BOK: variants seen among roughly 807,000 people sequenced by gnomAD.
BOK encodes the protein BCL2 family apoptosis regulator BOK.
Under a neutral mutation model 18.3 loss-of-function variants are expected in BOK, and 20 were observed. That is an observed-to-expected ratio of 1.09 (90% CI 0.77 to 1.59). The LOEUF (loss-of-function observed/expected upper bound fraction) is 1.59, where lower values mean the gene tolerates loss of function less well. Ranked by LOEUF, BOK falls within the 40% of genes most tolerant of loss-of-function variation. BOK has a pLI of 0.00. For synonymous variants in BOK, 173 were observed against 142.4 expected, an observed-to-expected ratio of 1.21 and a Z score of -1.53; for missense variants, 348 against 307.9, an observed-to-expected ratio of 1.13 and a Z score of -0.97.
chr2:241,555,937 G>A (rs1271985938), upstream of BOK, among the ~76,000 whole-genome samples: 1 of 152,214 alleles, frequency 6.6e-6, no homozygotes, highest in East Asian at 1.9e-4. Context: ...ACAGCGGGAA[G>A]GTTGCAGGTG....
chr2:241,568,959 GACC>G (rs2066660354), intron 3 of BOK, among the ~76,000 whole-genome samples: 1 of 150,924 alleles, frequency 6.6e-6, no homozygotes, highest in Admixed American at 6.6e-5. Context: ...TCCCTCCAGG[GACC>G]ACTGCTGACT....
At chr2:241,568,872 A>G (rs1297972878) in intron 3 of BOK, among the ~76,000 whole-genome samples, 2 of 152,242 alleles carry the variant, frequency 1.3e-5, no homozygotes, top group Admixed American at 6.5e-5. Context: ...TTCATAACAA[A>G]TCCAGGTTGG....
chr2:241,553,902 G>A (rs1369415331), upstream of BOK, among the ~76,000 whole-genome samples: 1 of 152,182 alleles, frequency 6.6e-6, no homozygotes. Flanking sequence ...GGGGGCTCTG[G>A]AAGCCTTCCA....
chr2:241,554,660 C>G (rs2066437762), upstream of BOK, among the ~76,000 whole-genome samples: 1 of 152,242 alleles, frequency 6.6e-6, no homozygotes, highest in Non-Finnish European at 1.5e-5. Flanking sequence ...CTGGCAAAGC[C>G]TGAACTTGTG....
At position 241,570,256 on chromosome 2, in the gene BOK, C is replaced by A; in HGVS notation, c.481C>A (p.Leu161Met). The part of the protein sequence containing the change: ...DCLGEFVRKT[L>M]ATWLRRRGGW... ...CCTGGGGGAGTTCGTGCGCAAGACC[C>A]TGGCAACCTGGCTGCGGAGACGCGG... The change falls in exon 4 of 5, where the codon CTG becomes ATG. Residue 161 changes from leucine to methionine, a missense_variant. Leu to Met is a conservative substitution (Grantham distance 15). Transcript: ENST00000318407. The A allele has an allele frequency of 6.3e-7, 1 of 1,579,202 alleles. No homozygotes were observed. The highest frequency in any genetic ancestry group is 1.8e-5 in the Admixed American group (1 of 54,162).
At chr2:241,559,163 T>TCC (rs1195771663) in intron 1 of BOK, among the ~76,000 whole-genome samples, 170 bp downstream of exon 1, 5 of 150,846 alleles carry the variant, frequency 3.3e-5, no homozygotes, top group Non-Finnish European at 7.4e-5. Context: ...GGCTGTGCCC[T>TCC]CCGCCCCCGC....
At position 241,572,488 on chromosome 2, in the gene BOK, G is replaced by A. The variant is rs563500002; in HGVS notation, c.*66G>A. Reference sequence around the variant, plus strand: ...CCAACGCAGGAGGCCCTCAGCACCCGAACACATCTTCCTCCTCCCCACCCG... The same window carrying A: ...CCAACGCAGGAGGCCCTCAGCACCCAAACACATCTTCCTCCTCCCCACCCG... On this transcript the variant is annotated 3_prime_UTR_variant, in exon 5 of 5. Transcript: ENST00000318407. 19 of 1,543,968 alleles carry A rather than the reference G, an allele frequency of 1.2e-5. No homozygotes were observed. The highest frequency in any genetic ancestry group is 9.3e-5 in the East Asian group (4 of 42,840).
At chr2:241,559,333 A>G in intron 1 of BOK, 122 bp from the exon 2 acceptor site, 1 of 502,884 alleles carries the variant, frequency 2.0e-6, no homozygotes, top group Non-Finnish European at 3.1e-6. Context: ...TGGGGCACAA[A>G]AAACGAGAGC....
At chr2:241,569,169 C>T (rs1474238277) in intron 3 of BOK, among the ~76,000 whole-genome samples, 11 of 152,356 alleles carry the variant, frequency 7.2e-5, no homozygotes, top group South Asian at 6.2e-4. Flanking sequence ...CTCGCTCTGT[C>T]GCCCAGGCTG....
chr2:241,563,534 C>CG (rs1398648877), intron 3 of BOK, among the ~76,000 whole-genome samples: 4 of 152,182 alleles, frequency 2.6e-5, no homozygotes, highest in South Asian at 2.1e-4. Context: ...CAGTGAACCC[C>CG]GGGGTGCGCA....
intron 3 of BOK, among the ~76,000 whole-genome samples, chr2:241,563,327 C>T (rs562963804): frequency 2.0e-5 from 3 of 152,348 alleles, no homozygotes; most frequent in Admixed American, 1.3e-4. Flanking sequence ...CTGCAGACCT[C>T]AGCCCCCTGC....
chr2:241,552,140 C>T (rs974656132), intron 1 of BOK, among the ~76,000 whole-genome samples: 3 of 152,184 alleles, frequency 2.0e-5, no homozygotes, highest in Non-Finnish European at 4.4e-5. Context: ...GCAGCTGCTA[C>T]CTCAGGAGCA....
rs770521351 is a variant in BOK at position 241,572,431 on chromosome 2, C to T, written c.*9C>T. 2.3e-5 allele frequency: 37 copies of T among 1,594,106 alleles called. No homozygotes were observed. The East Asian group carries it at 8.3e-4, about 36-fold the overall frequency. On this transcript the variant is annotated 3_prime_UTR_variant, in exon 5 of 5. Coordinates refer to ENST00000318407, the MANE Select transcript of BOK (RefSeq NM_032515.5). ...TGCTGCCAGAGAGATGAGCTGCCCACCTGGCAGTGGCCGCAGCCTGGCCCT... is the reference window on the plus strand; with the variant it reads ...TGCTGCCAGAGAGATGAGCTGCCCATCTGGCAGTGGCCGCAGCCTGGCCCT...
chr2:241,555,771 C>A (rs1387368083), upstream of BOK, among the ~76,000 whole-genome samples: 1 of 152,208 alleles, frequency 6.6e-6, no homozygotes, highest in African/African-American at 2.4e-5. Context: ...TCCTGGGATG[C>A]AGAACATGTC....
upstream of BOK, among the ~76,000 whole-genome samples, chr2:241,556,541 C>CAT (rs2066451607): frequency 7.2e-6 from 1 of 138,420 alleles, no homozygotes; most frequent in Non-Finnish European, 1.5e-5. Context: ...CGAGTTTACG[C>CAT]CATTGCACTC....
chr2:241,558,549 G>A (rs2066473566), upstream of BOK, among the ~76,000 whole-genome samples: 1 of 152,270 alleles, frequency 6.6e-6, no homozygotes, highest in African/African-American at 2.4e-5. Context: ...GGACCCCGGG[G>A]AACACCCAGG....
intron 2 of BOK, among the ~76,000 whole-genome samples, chr2:241,561,043 C>T (rs923317799): frequency 2.0e-5 from 3 of 152,196 alleles, no homozygotes; most frequent in Non-Finnish European, 2.9e-5. Flanking sequence ...TGGGAGCTGC[C>T]GGGTCAGTCC....
chr2:241,571,399 T>G (rs1283989328), intron 4 of BOK, among the ~76,000 whole-genome samples: 1 of 148,334 alleles, frequency 6.7e-6, no homozygotes, highest in Non-Finnish European at 1.5e-5. Flanking sequence ...GTTGGCCTGG[T>G]GTGTAAATCA....
At chr2:241,572,151 C>A in intron 4 of BOK, 146 bp from the exon 5 acceptor site, 2 of 1,315,714 alleles carry the variant, frequency 1.5e-6, no homozygotes, top group South Asian at 1.4e-5. Context: ...TCAGTCCAGG[C>A]CACAGACCTC....
Sources: gnomAD v4.1 joint callset for allele counts (sites outside exome capture counted in the v4.1 genomes callset) on GRCh38, gnomAD v4.1.1 for gene constraint, MANE v1.5 for transcripts, NCBI Gene and HGNC (gene_info 2026-07-23, HGNC 2026-07-21) for gene names.